Variants in TLN2 observed in about 807,000 individuals in gnomAD.
The protein encoded by TLN2 is talin-2.
In TLN2, 118 loss-of-function variants were observed where a neutral mutation model predicts 294.7. That is an observed-to-expected ratio of 0.40 (90% CI 0.34 to 0.47). TLN2 has a LOEUF of 0.47. TLN2 is among the 20% of genes least tolerant of loss of function. The probability of loss-of-function intolerance (pLI) is 0.84; values close to 1 mark genes in which losing one functional copy is unlikely to be tolerated. For missense variants in TLN2, 3,083 were observed against 3,282.2 expected, an observed-to-expected ratio of 0.94 and a Z score of 1.48; for synonymous variants, 1,431 against 1,304.5, an observed-to-expected ratio of 1.10 and a Z score of -2.09.
At chr15:62,620,837 C>CTTTTTTTTTTTTTTTTTTTTTTT (rs71129016) in intron 3 of TLN2, among the ~76,000 whole-genome samples, 1 of 66,414 alleles carries the variant, frequency 1.5e-5, no homozygotes, top group Non-Finnish European at 2.9e-5. Context: ...CTTTCTTTTT[C>CTTTTTTTTTTTTTTTTTTTTTTT]TTTTTTTTTT....
intron 15 of TLN2, among the ~76,000 whole-genome samples, chr15:62,698,211 G>T (rs978933500): frequency 6.6e-6 from 1 of 152,198 alleles, no homozygotes; most frequent in South Asian, 2.1e-4. Context: ...GAGGTTTCAC[G>T]CTGGGAGTCA....
chr15:62,821,011 AGAAC>A (rs1343104708), intron 54 of TLN2, among the ~76,000 whole-genome samples: 7 of 152,238 alleles, frequency 4.6e-5, no homozygotes, highest in Non-Finnish European at 1.0e-4. Context: ...GAGGGCAATG[AGAAC>A]TTCAAAAGTG....
In TLN2 at chr15:62,809,976, C is replaced by T. The variant is rs754915891; in HGVS notation, c.6715C>T (p.Arg2239Cys). ...TGACGAGGTGAGAACCAGAGCCTTG[C>T]GTTTCGGGACGGAGTGCACCCTTGG... ...VSDEVRTRALRFGTECTLGYL... is the reference protein window; with the variant it reads ...VSDEVRTRALCFGTECTLGYL... The change falls in exon 52 of 59, where the codon CGT (arginine) becomes TGT (cysteine). Residue 2239 changes from arginine (R) to cysteine (C), a missense_variant. Coordinates refer to ENST00000636159, the MANE Select transcript of TLN2 (RefSeq NM_015059.3). The T allele has an allele frequency of 2.1e-5, 34 of 1,613,948 alleles. 1 individual carries two copies. The highest frequency in any genetic ancestry group is 3.3e-4 in the Middle Eastern group (2 of 6,084).
At chr15:62,428,459 T>C (rs2034835442) in intron 1 of TLN2, among the ~76,000 whole-genome samples, 2 of 152,238 alleles carry the variant, frequency 1.3e-5, no homozygotes, top group African/African-American at 4.8e-5. Context: ...ATTTTAAGAA[T>C]AACAGTAGGA....
chr15:62,555,914 CATT>C (rs2042576845), intron 1 of TLN2, among the ~76,000 whole-genome samples: 1 of 144,656 alleles, frequency 6.9e-6, no homozygotes, highest in Non-Finnish European at 1.5e-5. Context: ...TATTTCCTTT[CATT>C]ATTCTTATTT....
chr15:62,588,081 C>T (rs1375080766), intron 1 of TLN2, among the ~76,000 whole-genome samples: 3 of 152,118 alleles, frequency 2.0e-5, no homozygotes, highest in Non-Finnish European at 2.9e-5. Flanking sequence ...AGGGTTTCAC[C>T]GTGTTAGCCA....
chr15:62,563,112 G>A (rs1163961208), intron 1 of TLN2, among the ~76,000 whole-genome samples: 1 of 152,092 alleles, frequency 6.6e-6, no homozygotes, highest in Admixed American at 6.6e-5. Context: ...TAGATACCCA[G>A]TAGTGGGATT....
chr15:62,764,539 A>G (rs2062873920), intron 40 of TLN2, among the ~76,000 whole-genome samples: 1 of 152,182 alleles, frequency 6.6e-6, no homozygotes, highest in African/African-American at 2.4e-5. Flanking sequence ...ACTGTGTGGG[A>G]TGCCAGAATT....
At chr15:62,452,175 G>A (rs1204795536) in intron 1 of TLN2, among the ~76,000 whole-genome samples, 1 of 152,168 alleles carries the variant, frequency 6.6e-6, no homozygotes, top group Middle Eastern at 3.2e-3. Flanking sequence ...GGTTGTGAGG[G>A]TGCTTCTGCA....
At chr15:62,773,865 G>A (rs1299222888) in intron 42 of TLN2, among the ~76,000 whole-genome samples, 1 of 152,178 alleles carries the variant, frequency 6.6e-6, no homozygotes, top group Non-Finnish European at 1.5e-5. Flanking sequence ...GCCTGACATA[G>A]TAGATATGTT....
chr15:62,470,665 G>C (rs935276661), intron 1 of TLN2, among the ~76,000 whole-genome samples: 1 of 152,196 alleles, frequency 6.6e-6, no homozygotes, highest in Non-Finnish European at 1.5e-5. Context: ...GGTGAGATCC[G>C]CATGCAGGAG....
At chr15:62,500,612 G>C (rs1221952752) in intron 1 of TLN2, among the ~76,000 whole-genome samples, 1 of 152,324 alleles carries the variant, frequency 6.6e-6, no homozygotes, top group Non-Finnish European at 1.5e-5. Context: ...AAATGTAAAT[G>C]GAGGCAAGGG....
At chr15:62,706,139 TC>T (rs1169041431) in intron 19 of TLN2, among the ~76,000 whole-genome samples, 1 of 152,270 alleles carries the variant, frequency 6.6e-6, no homozygotes, top group Non-Finnish European at 1.5e-5. Flanking sequence ...TGACCGTATT[TC>T]CTTGAAGGGA....
chr15:62,475,372 A>G (rs1375747641), intron 1 of TLN2, among the ~76,000 whole-genome samples: 1 of 152,200 alleles, frequency 6.6e-6, no homozygotes, highest in Non-Finnish European at 1.5e-5. Flanking sequence ...AGATGAGTTG[A>G]CTGAAGATCT....
intron 1 of TLN2, among the ~76,000 whole-genome samples, chr15:62,422,497 G>A (rs1171038888): frequency 6.6e-6 from 1 of 152,190 alleles, no homozygotes; most frequent in Non-Finnish European, 1.5e-5. Flanking sequence ...CTGTATTACA[G>A]TAATTGTCTA....
chr15:62,820,258 C>G (rs970231699), intron 53 of TLN2, among the ~76,000 whole-genome samples: 3 of 152,154 alleles, frequency 2.0e-5, no homozygotes, highest in African/African-American at 7.2e-5. Context: ...GGTGACTGCT[C>G]TGTGGAAGGG....
At chr15:62,746,905 T>G (rs1431319502) in intron 32 of TLN2, among the ~76,000 whole-genome samples, 1 of 152,208 alleles carries the variant, frequency 6.6e-6, no homozygotes, top group African/African-American at 2.4e-5. Flanking sequence ...CTCAGATTTT[T>G]CATTTATAAA....
chr15:62,738,364 T>G, intron 30 of TLN2, 31 bp downstream of exon 30: 1 of 1,612,534 alleles, frequency 6.2e-7, no homozygotes, highest in Non-Finnish European at 8.5e-7. Context: ...GAAAGGACAC[T>G]GGGGGACTAG....
intron 26 of TLN2, 147 bp from the exon 27 acceptor site, chr15:62,724,829 C>G (rs1567463158): frequency 1.9e-6 from 2 of 1,045,688 alleles, no homozygotes; most frequent in East Asian, 2.7e-5. Flanking sequence ...TTTGTTCTCT[C>G]AGAAAAAATA....
Sources: allele counts gnomAD v4.1 joint callset (sites outside exome capture counted in the v4.1 genomes callset), GRCh38; gene constraint gnomAD v4.1.1; transcripts MANE v1.5; gene names NCBI Gene and HGNC (gene_info 2026-07-23, HGNC 2026-07-21).